The following MMP26 variants were observed in gnomAD, a reference collection of about 807,000 sequenced individuals.
MMP26 encodes the protein matrix metalloproteinase-26.
A neutral mutation model predicts 31.0 loss-of-function variants in MMP26; 33 were observed. That is an observed-to-expected ratio of 1.06 (90% CI 0.81 to 1.42). The LOEUF is 1.42. MMP26 is among the 40% of genes most tolerant of loss of function. The pLI, the probability that MMP26 is intolerant of heterozygous loss-of-function variation, is 0.00. For synonymous variants in MMP26, 122 were observed against 114.9 expected (o/e 1.06, Z -0.40); for missense variants, 347 against 316.1 (o/e 1.10, Z -0.74).
intron 2 of MMP26, chr11:4,937,723 C>T (rs963479200): frequency 5.8e-6 from 1 of 171,294 alleles, no homozygotes; most frequent in African/African-American, 2.4e-5. Context: ...GTTGTCAGAA[C>T]ACATCAGCTT....
At chr11:4,925,936 T>C (rs532243125) in intron 2 of MMP26, among the ~76,000 whole-genome samples, 35 of 152,138 alleles carry the variant, frequency 2.3e-4, no homozygotes, top group Non-Finnish European at 4.9e-4. Context: ...GAGGATTAAG[T>C]AAAAAGTTTA....
chr11:4,766,974 A>G (rs1848640550), intron 1 of MMP26, among the ~76,000 whole-genome samples: 1 of 152,122 alleles, frequency 6.6e-6, no homozygotes, highest in Non-Finnish European at 1.5e-5. Flanking sequence ...ATTACTCAAG[A>G]AAAAGACTCT....
intron 2 of MMP26, chr11:4,848,939 C>A (rs752769014): frequency 3.1e-6 from 5 of 1,613,888 alleles, no homozygotes; most frequent in Non-Finnish European, 4.2e-6. Context: ...GGGCGATGCC[C>A]AGCAGTGTGG....
intron 2 of MMP26, among the ~76,000 whole-genome samples, chr11:4,940,286 T>A (rs1846188986): frequency 6.6e-6 from 1 of 152,142 alleles, no homozygotes; most frequent in Non-Finnish European, 1.5e-5. Context: ...CATGCCTGGA[T>A]GGACATTCCT....
chr11:4,866,291 T>A (rs1374605781), intron 2 of MMP26, among the ~76,000 whole-genome samples: 1 of 152,114 alleles, frequency 6.6e-6, no homozygotes, highest in African/African-American at 2.4e-5. Context: ...TCAGTTTAAA[T>A]TCATACAAGT....
At chr11:4,810,505 C>G (rs1247273039) in intron 2 of MMP26, among the ~76,000 whole-genome samples, 1 of 152,156 alleles carries the variant, frequency 6.6e-6, no homozygotes, top group African/African-American at 2.4e-5. Context: ...TACACACATT[C>G]TGTGAAGGCA....
chr11:4,769,783 G>A (rs751969452), intron 2 of MMP26: 11 of 1,613,252 alleles, frequency 6.8e-6, no homozygotes, highest in Admixed American at 1.7e-5. Context: ...ACAGGATCAC[G>A]CTGTTCCCAG....
At chr11:4,812,209 G>C (rs957001747) in intron 2 of MMP26, among the ~76,000 whole-genome samples, 1 of 152,082 alleles carries the variant, frequency 6.6e-6, no homozygotes, top group Non-Finnish European at 1.5e-5. Context: ...TATCTATGTA[G>C]AAATATGTTG....
Position 4,914,842 on chromosome 11 carries a change from G to A in MMP26, c.-144-73226G>A, listed in dbSNP as rs199760109. ...AACCCATGACCACCTGGACCAGGTGGGGTGCCTGCTTTCCAAAGCGATGGA... is the reference window on the plus strand; with the variant it reads ...AACCCATGACCACCTGGACCAGGTGAGGTGCCTGCTTTCCAAAGCGATGGA... On this transcript the variant is annotated intron_variant, in intron 2 of 7. Coordinates refer to ENST00000380390, the MANE Select transcript of MMP26 (RefSeq NM_021801.5). 10 of 1,613,996 alleles carry A rather than the reference G, an allele frequency of 6.2e-6. No individual in the cohort carries two copies. In the East Asian group the frequency reaches 2.0e-4, roughly 32 times the overall value.
chr11:4,716,650 CTTTTTTTTTTTTTTTT>C lies in MMP26; in HGVS notation c.-217+11618_-217+11633del, dbSNP rs71050424. Among the ~76,000 whole-genome samples, 167 of 65,048 alleles carry C rather than the reference CTTTTTTTTTTTTTTTT, an allele frequency of 2.6e-3. 3 individuals carry two copies. Among genetic ancestry groups the C allele is most frequent in the South Asian group, 0.025 (40 of 1,570 alleles). 42.7% of individuals were successfully genotyped at this position (65,048 alleles called of 152,430 possible). ...ATTCCATACTTGATCTCTCTTACCTCTTTTTTTTTTTTTTTTTTTTTTTTTTTTGAGATGGAGTTTC... is the reference window on the plus strand; with the variant it reads ...ATTCCATACTTGATCTCTCTTACCTCTTTTTTTTTTTTGAGATGGAGTTTC... On this transcript the variant is annotated intron_variant, in intron 1 of 7. Coordinates refer to ENST00000380390, the MANE Select transcript of MMP26 (RefSeq NM_021801.5).
chr11:4,834,478 G>C (rs975446448), intron 2 of MMP26, among the ~76,000 whole-genome samples: 2 of 152,112 alleles, frequency 1.3e-5, no homozygotes, highest in Non-Finnish European at 2.9e-5. Flanking sequence ...ACTACATCAG[G>C]GTCCAGGATC....
intron 2 of MMP26, among the ~76,000 whole-genome samples, chr11:4,811,978 C>T (rs1455263990): frequency 6.6e-6 from 1 of 152,140 alleles, no homozygotes; most frequent in Non-Finnish European, 1.5e-5. Flanking sequence ...CTAAATGTGG[C>T]TCACAGCTGT....
At chr11:4,882,775 C>G (rs767652870) in intron 2 of MMP26, 10 of 1,613,788 alleles carry the variant, frequency 6.2e-6, no homozygotes, top group Non-Finnish European at 7.6e-6. Context: ...TGAACCCTAT[C>G]ATTTACAGCT....
At chr11:4,782,045 A>G (rs1241452316) in intron 2 of MMP26, among the ~76,000 whole-genome samples, 4 of 152,234 alleles carry the variant, frequency 2.6e-5, no homozygotes, top group African/African-American at 9.6e-5. Flanking sequence ...CTTTATCAGC[A>G]GCATGACAAT....
At position 4,727,934 on chromosome 11, in the gene MMP26, A is replaced by G. The variant is rs1848124574; in HGVS notation, c.-217+22889A>G. Among the ~76,000 whole-genome samples the G allele has an allele frequency of 2.0e-5, 3 of 152,234 alleles. 1 individual carries two copies. In the South Asian group the frequency reaches 6.2e-4, roughly 32 times the overall value. On this transcript the variant is annotated intron_variant, in intron 1 of 7. Coordinates refer to ENST00000380390, the MANE Select transcript of MMP26 (RefSeq NM_021801.5). ...CTATTAAATTAGAAAATATTTAAGTAAAAATGTCACAACACTGCTGAGTGT... is the reference window on the plus strand; with the variant it reads ...CTATTAAATTAGAAAATATTTAAGTGAAAATGTCACAACACTGCTGAGTGT...
At chr11:4,989,570 G>A (rs2133651295) in intron 3 of MMP26, 78 bp from the exon 4 acceptor site, 1 of 1,185,892 alleles carries the variant, frequency 8.4e-7, no homozygotes. Flanking sequence ...GACCCTCAAA[G>A]AAGGCTATGC....
intron 2 of MMP26, among the ~76,000 whole-genome samples, chr11:4,982,752 T>C (rs1183111958): frequency 1.3e-5 from 2 of 152,198 alleles, no homozygotes; most frequent in African/African-American, 4.8e-5. Context: ...ACGGGATCCA[T>C]TTCTTACTTC....
intron 2 of MMP26, among the ~76,000 whole-genome samples, chr11:4,887,540 CTG>C (rs1408707318): frequency 6.6e-6 from 1 of 152,112 alleles, no homozygotes; most frequent in Non-Finnish European, 1.5e-5. Flanking sequence ...AGAACATGAA[CTG>C]TTTTTCAGGA....
chr11:4,710,746 G>A (rs2073322538), intron 1 of MMP26: 1 of 231,598 alleles, frequency 4.3e-6, no homozygotes, highest in African/African-American at 2.2e-5. Context: ...CACAGTATAG[G>A]ACCACAGTTA....
Sources: gnomAD v4.1 joint callset for allele counts (sites outside exome capture counted in the v4.1 genomes callset) on GRCh38, gnomAD v4.1.1 for gene constraint, MANE v1.5 for transcripts, NCBI Gene and HGNC (gene_info 2026-07-23, HGNC 2026-07-21) for gene names.